DDIAS: variants seen among roughly 807,000 people sequenced by gnomAD.
DDIAS encodes DNA damage induced apoptosis suppressor.
DDIAS carries 14 observed loss-of-function variants against 15.7 expected under a neutral mutation model. The observed-to-expected ratio is 0.89, with a 90% CI of 0.59 to 1.39. DDIAS has a LOEUF of 1.39. Ranked by LOEUF, DDIAS falls within the 40% of genes most tolerant of loss-of-function variation. The pLI is 0.00. For synonymous variants in DDIAS, 355 were observed against 395.9 expected, an observed-to-expected ratio of 0.90 and a Z score of 1.23; for missense variants, 1,035 against 1,130.9, an observed-to-expected ratio of 0.92 and a Z score of 1.22.
At chr11:82,916,875 A>T (rs1403501012) in intron 3 of DDIAS, among the ~76,000 whole-genome samples, 1 of 152,232 alleles carries the variant, frequency 6.6e-6, no homozygotes, top group Non-Finnish European at 1.5e-5. Flanking sequence ...AAACATATTC[A>T]AGCCTAAACA....
chr11:82,929,745 C>T (rs1033463210), intron 4 of DDIAS, among the ~76,000 whole-genome samples: 1 of 151,728 alleles, frequency 6.6e-6, no homozygotes. Flanking sequence ...CAGTCTTCTG[C>T]CCTCCTCCCC....
rs1286263320 is a variant in DDIAS at position 82,913,283 on chromosome 11, A to C, written c.-116-4A>C. 1 of 152,918 alleles carries C rather than the reference A, an allele frequency of 6.5e-6. No homozygotes were observed. The highest frequency in any genetic ancestry group is 1.9e-4 in the East Asian group (1 of 5,198). 9.5% of individuals were successfully genotyped at this position (152,918 alleles called of 1,614,324 possible). A position where few individuals can be genotyped will look rare whatever the true frequency, so the allele number is the denominator to read the frequency against. ...CTTCTCTGATTTTGTTTATTTGGAGATAGGGTCTTGCTCTGTCACCCAGGC... is the reference window on the plus strand; with the variant it reads ...CTTCTCTGATTTTGTTTATTTGGAGCTAGGGTCTTGCTCTGTCACCCAGGC... On this transcript the variant is annotated splice_region_variant and splice_polypyrimidine_tract_variant and intron_variant, in intron 1 of 5. Transcript: ENST00000533655.
intron 3 of DDIAS, among the ~76,000 whole-genome samples, 182 bp from the exon 4 acceptor site, chr11:82,928,595 C>T (rs764373950): frequency 8.5e-5 from 13 of 152,072 alleles, no homozygotes; most frequent in East Asian, 1.9e-4. Flanking sequence ...AAATCAGTAA[C>T]GCTAACTATT....
Position 82,933,456 on chromosome 11 carries a change from AT to A in DDIAS, c.2119del (p.Ser707LeufsTer14). ...SQDILLKWGT[S>X]LAESHPSESD... Reference sequence around the variant, plus strand: ...AGGATATTTTGTTAAAATGGGGAACATCTTTGGCAGAAAGTCACCCTTCAGA... The same window carrying A: ...AGGATATTTTGTTAAAATGGGGAACACTTTGGCAGAAAGTCACCCTTCAGA... On this transcript the variant is annotated frameshift_variant, in exon 6 of 6. Coordinates refer to ENST00000533655, the MANE Select transcript of DDIAS (RefSeq NM_145018.4). LOFTEE classifies it low-confidence loss of function (END_TRUNC). The A allele has an allele frequency of 6.2e-7, 1 of 1,613,960 alleles. No homozygotes were observed. Among genetic ancestry groups the A allele is most frequent in the Non-Finnish European group, 8.5e-7 (1 of 1,179,988 alleles).
chr11:82,909,343 C>G (rs1860483762), intron 1 of DDIAS: 1 of 152,164 alleles, frequency 6.6e-6, no homozygotes, highest in African/African-American at 2.4e-5. Flanking sequence ...TGGGTTTTAG[C>G]AGGCTTCTTT....
At position 82,928,782 on chromosome 11, in the gene DDIAS, A is replaced by T. The variant is rs370353912; in HGVS notation, c.119A>T (p.Asn40Ile). Residue 40 changes from asparagine to isoleucine, a missense_variant, in exon 4 of 6, where the codon AAT (asparagine) becomes ATT (isoleucine). Physicochemically the swap from Asn to Ile is moderately radical, Grantham distance 149 (BLOSUM62 -3). Transcript: ENST00000533655. ...TTTTTCCACCACTTTTCTAGGTCTAATTGTCCAAAATGTGGCTCTACTGGT... is the reference window on the plus strand; with the variant it reads ...TTTTTCCACCACTTTTCTAGGTCTATTTGTCCAAAATGTGGCTCTACTGGT... ...SRIILVSKRS[N>I]CPKCGSTGES... is the part of the protein sequence containing the mutation. 6.2e-7 allele frequency: 1 copy of T among 1,613,192 alleles called. No homozygotes were observed. The highest frequency in any genetic ancestry group is 1.1e-5 in the South Asian group (1 of 90,876).
At chr11:82,919,082 T>C (rs1860689738) in intron 3 of DDIAS, among the ~76,000 whole-genome samples, 1 of 152,224 alleles carries the variant, frequency 6.6e-6, no homozygotes, top group African/African-American at 2.4e-5. Flanking sequence ...TTAGATGCCC[T>C]TTCTTTCTTT....
chr11:82,924,605 G>A (rs1860821169), intron 3 of DDIAS, among the ~76,000 whole-genome samples: 1 of 152,160 alleles, frequency 6.6e-6, no homozygotes, highest in Non-Finnish European at 1.5e-5. Flanking sequence ...CTTGAGTCCA[G>A]GATTTTGAGA....
At chr11:82,929,574 G>A (rs1413577046) in intron 4 of DDIAS, among the ~76,000 whole-genome samples, 3 of 151,896 alleles carry the variant, frequency 2.0e-5, no homozygotes, top group Non-Finnish European at 2.9e-5. Flanking sequence ...ATGGTGGTGG[G>A]CGCCTGTAGT....
chr11:82,930,778 A>G (rs1860965839), intron 5 of DDIAS, among the ~76,000 whole-genome samples: 1 of 151,908 alleles, frequency 6.6e-6, no homozygotes, highest in Non-Finnish European at 1.5e-5. Context: ...TTTGACTTTG[A>G]AGGAGTAATA....
chr11:82,924,324 A>G (rs1346432799), intron 3 of DDIAS, among the ~76,000 whole-genome samples: 1 of 152,198 alleles, frequency 6.6e-6, no homozygotes, highest in Non-Finnish European at 1.5e-5. Context: ...GAATCTGTGG[A>G]TACATTATAG....
At position 82,932,821 on chromosome 11, in the gene DDIAS, TTCC is replaced by T; in HGVS notation, c.1485_1487del (p.Leu496del). Reference sequence around the variant, plus strand: ...CAAAGCAAACTGTAGCAAAGATGACTTCCTTTTCAACTGTAAAGGAAATCTAAG... The same window carrying T: ...CAAAGCAAACTGTAGCAAAGATGACTTTTTCAACTGTAAAGGAAATCTAAG... On this transcript the variant is annotated inframe_deletion, in exon 6 of 6. Transcript: ENST00000533655. The T allele has an allele frequency of 1.9e-6, 3 of 1,613,614 alleles. No individual in the cohort carries two copies. In the South Asian group the frequency reaches 3.3e-5, roughly 18 times the overall value.
chr11:82,902,363 C>T (rs901239426), intron 1 of DDIAS, among the ~76,000 whole-genome samples: 4 of 152,122 alleles, frequency 2.6e-5, no homozygotes, highest in Non-Finnish European at 4.4e-5. Context: ...GACCCTATGA[C>T]TGCTACATAG....
intron 1 of DDIAS, among the ~76,000 whole-genome samples, chr11:82,904,107 A>G (rs1458004281): frequency 2.6e-5 from 4 of 152,212 alleles, no homozygotes; most frequent in African/African-American, 7.2e-5. Context: ...TAATGTTGCA[A>G]AAGCACTTTG....
chr11:82,927,149 TG>T (rs1860880170), intron 3 of DDIAS, among the ~76,000 whole-genome samples: 1 of 152,254 alleles, frequency 6.6e-6, no homozygotes, highest in Non-Finnish European at 1.5e-5. Context: ...GTAAACTGAA[TG>T]CTAATGCATA....
intron 1 of DDIAS, among the ~76,000 whole-genome samples, chr11:82,903,564 T>C (rs903422500): frequency 6.6e-6 from 1 of 152,222 alleles, no homozygotes; most frequent in Non-Finnish European, 1.5e-5. Context: ...CACTGAAGAT[T>C]TTGTCTCTTT....
chr11:82,912,460 C>G (rs1339203058), intron 1 of DDIAS, among the ~76,000 whole-genome samples: 3 of 152,164 alleles, frequency 2.0e-5, no homozygotes, highest in African/African-American at 7.2e-5. Context: ...CTTCAAGAAC[C>G]AGCCTCTGCT....
At chr11:82,921,540 G>A (rs1010233410) in intron 3 of DDIAS, among the ~76,000 whole-genome samples, 8 of 146,052 alleles carry the variant, frequency 5.5e-5, no homozygotes, top group African/African-American at 2.0e-4. Context: ...TCAAGATTTA[G>A]AGCTCCTTTT....
intron 4 of DDIAS, among the ~76,000 whole-genome samples, chr11:82,929,504 C>A (rs1214384619): frequency 6.6e-6 from 1 of 152,056 alleles, no homozygotes; most frequent in African/African-American, 2.4e-5. Context: ...GAGATGGAGA[C>A]CATCCTGGCT....
Sources: gnomAD v4.1 joint callset for allele counts (sites outside exome capture counted in the v4.1 genomes callset) on GRCh38, gnomAD v4.1.1 for gene constraint, MANE v1.5 for transcripts, NCBI Gene and HGNC (gene_info 2026-07-23, HGNC 2026-07-21) for gene names.